CNTN4: variants seen among roughly 807,000 people sequenced by gnomAD.
CNTN4 encodes contactin 4.
Under a neutral mutation model 122.5 loss-of-function variants are expected in CNTN4, and 77 were observed. The ratio of observed to expected loss-of-function variants is 0.63; its 90% CI spans 0.52 to 0.76. The LOEUF is 0.76. Among genes scored for constraint, CNTN4 ranks in the 30% least tolerant of loss-of-function variants. The pLI, the probability that CNTN4 is intolerant of heterozygous loss-of-function variation, is 0.00. For synonymous variants in CNTN4, 512 were observed against 447.0 expected (o/e 1.15, Z -1.83); for missense variants, 1,256 against 1,259.1 (o/e 1.00, Z 0.04).
chr3:2,947,433 A>G lies in CNTN4; in HGVS notation c.1358+21654A>G, dbSNP rs79457269. Among the ~76,000 whole-genome samples the G allele has an allele frequency of 2.9e-3, 440 of 152,312 alleles. 21 individuals are homozygous for G. In the East Asian group the frequency reaches 0.065, roughly 22 times the overall value. On this transcript the variant is annotated intron_variant, in intron 13 of 24. Coordinates refer to ENST00000418658, the MANE Select transcript of CNTN4 (RefSeq NM_175607.3). The stretch of plus-strand genomic sequence containing the variant: ...CTAGCTCTATCCCTTTATGTTACCA[A>G]TGATCATTCAGAAGGAGAAGAAGGT...
intron 13 of CNTN4, among the ~76,000 whole-genome samples, chr3:2,980,106 A>G (rs58656203): frequency 0.017 from 2,549 of 152,326 alleles, 76 homozygotes; most frequent in African/African-American, 0.057. Flanking sequence ...TCAGAGCCTC[A>G]TGTGAAGAAA....
chr3:2,506,909 TA>T (rs529495443), intron 3 of CNTN4, among the ~76,000 whole-genome samples: 7 of 152,230 alleles, frequency 4.6e-5, no homozygotes, highest in Non-Finnish European at 7.4e-5. Flanking sequence ...TTGACGTTTT[TA>T]TTTAGCGATC....
At chr3:2,830,957 C>T (rs950676580) in intron 7 of CNTN4, among the ~76,000 whole-genome samples, 3 of 152,064 alleles carry the variant, frequency 2.0e-5, no homozygotes, top group Non-Finnish European at 4.4e-5. Flanking sequence ...GCTCAGAAAT[C>T]GAAGGCTCAG....
intron 6 of CNTN4, among the ~76,000 whole-genome samples, chr3:2,797,310 A>G (rs2092216341): frequency 6.6e-6 from 1 of 152,154 alleles, no homozygotes; most frequent in South Asian, 2.1e-4. Flanking sequence ...GTTAATTTAG[A>G]AAGCTACACT....
chr3:2,154,477 G>A (rs771453277), intron 2 of CNTN4, among the ~76,000 whole-genome samples: 4 of 151,908 alleles, frequency 2.6e-5, no homozygotes, highest in Non-Finnish European at 4.4e-5. Flanking sequence ...GGCGTATTTC[G>A]CTCAAGTGAC....
At chr3:3,005,030 A>G (rs1026534054) in intron 14 of CNTN4, among the ~76,000 whole-genome samples, 5 of 152,228 alleles carry the variant, frequency 3.3e-5, no homozygotes, top group African/African-American at 1.2e-4. Flanking sequence ...TTGTCTTGGA[A>G]ATAAGCACAC....
intron 13 of CNTN4, among the ~76,000 whole-genome samples, chr3:2,978,670 A>G (rs1481881821): frequency 6.6e-6 from 1 of 152,210 alleles, no homozygotes; most frequent in Non-Finnish European, 1.5e-5. Flanking sequence ...GCTCGCTGAC[A>G]CGTGCCCAAT....
intron 2 of CNTN4, among the ~76,000 whole-genome samples, chr3:2,106,557 A>G (rs2032459943): frequency 6.6e-6 from 1 of 152,222 alleles, no homozygotes; most frequent in Admixed American, 6.5e-5. Context: ...TTTTAGCTAC[A>G]GCTGGAGTGG....
chr3:2,949,515 G>A (rs1362140896), intron 13 of CNTN4, among the ~76,000 whole-genome samples: 1 of 152,104 alleles, frequency 6.6e-6, no homozygotes, highest in African/African-American at 2.4e-5. Flanking sequence ...TCTACCCAGT[G>A]GACCGGGTTA....
chr3:3,032,619 C>T (rs1363395606), intron 16 of CNTN4, among the ~76,000 whole-genome samples: 1 of 152,144 alleles, frequency 6.6e-6, no homozygotes. Context: ...ATATTTGAAA[C>T]GTATAGCAGC....
chr3:2,330,055 G>C (rs1440314512), intron 2 of CNTN4, among the ~76,000 whole-genome samples: 1 of 152,046 alleles, frequency 6.6e-6, no homozygotes, highest in South Asian at 2.1e-4. Flanking sequence ...GTCCTAAATC[G>C]GGCTCCCCAG....
intron 3 of CNTN4, among the ~76,000 whole-genome samples, chr3:2,480,182 T>C (rs2075950897): frequency 6.6e-6 from 1 of 152,080 alleles, no homozygotes; most frequent in African/African-American, 2.4e-5. Flanking sequence ...GGTGAGAATC[T>C]CAAAGTTTTC....
chr3:3,034,831 A>G lies in CNTN4; in HGVS notation c.1942+41A>G, dbSNP rs17657771. The G allele has an allele frequency of 0.075, 120,528 of 1,603,620 alleles. 5,252 individuals are homozygous for G. The highest frequency in any genetic ancestry group is 0.11 in the Admixed American group (6,736 of 60,008). ...CTTGGCTCAGAGACATTGGGAACTC[A>G]GCATACTGGACACAGCACTGTGGCA... On this transcript the variant is annotated intron_variant, in intron 17 of 24. Coordinates refer to ENST00000418658, the MANE Select transcript of CNTN4 (RefSeq NM_175607.3).
At position 2,554,731 on chromosome 3, in the gene CNTN4, A is replaced by G. The variant is rs149988684; in HGVS notation, c.-88-16685A>G. On this transcript the variant is annotated intron_variant, in intron 3 of 24. Coordinates refer to ENST00000418658, the MANE Select transcript of CNTN4 (RefSeq NM_175607.3). ...ATTGATGTGTTCCAATATTACTTACAAAAATAGATGTTAGACTTTCGGCCT... is the reference window on the plus strand; with the variant it reads ...ATTGATGTGTTCCAATATTACTTACGAAAATAGATGTTAGACTTTCGGCCT... Among the ~76,000 whole-genome samples the G allele has an allele frequency of 1.0e-3, 153 of 152,340 alleles. 1 individual carries two copies. The highest frequency in any genetic ancestry group is 3.6e-3 in the African/African-American group (148 of 41,584).
intron 3 of CNTN4, among the ~76,000 whole-genome samples, chr3:2,352,912 T>C (rs1340350695): frequency 6.6e-6 from 1 of 152,138 alleles, no homozygotes; most frequent in Non-Finnish European, 1.5e-5. Context: ...TGTGTCTAGC[T>C]GAAGGTTTGT....
rs1042186061 is a variant in CNTN4, at chr3:2,662,347, C to G, written c.56-73868C>G. ...CAATGGAGGAGAGTGGCAGCAACAA[C>G]TATGGTTCATACAGTCATTCAGGGA... On this transcript the variant is annotated intron_variant, in intron 4 of 24. Transcript: ENST00000418658. Among the ~76,000 whole-genome samples, 7 of 152,312 alleles carry G rather than the reference C, an allele frequency of 4.6e-5. 1 individual carries two copies. The highest frequency in any genetic ancestry group is 3.9e-4 in the East Asian group (2 of 5,188).
At position 2,548,273 on chromosome 3, in the gene CNTN4, G is replaced by T. The variant is rs1302256410; in HGVS notation, c.-88-23143G>T. ...CCATGCCTATCTCCTCAATGGTATT[G>T]CCTAGGTTTTCTTCTAGGGTTTTTA... On this transcript the variant is annotated intron_variant, in intron 3 of 24. Transcript: ENST00000418658. Among the ~76,000 whole-genome samples, 8 of 152,154 alleles carry T rather than the reference G, an allele frequency of 5.3e-5. No homozygotes were observed. The South Asian group carries it at 1.7e-3, about 32-fold the overall frequency.
intron 13 of CNTN4, among the ~76,000 whole-genome samples, chr3:2,982,437 C>T (rs374301006): frequency 4.6e-4 from 70 of 152,128 alleles, no homozygotes; most frequent in African/African-American, 1.7e-3. Context: ...TGACTTCCAC[C>T]GTGGACAGAA....
intron 13 of CNTN4, among the ~76,000 whole-genome samples, chr3:2,961,089 G>T: frequency 7.0e-6 from 1 of 143,784 alleles, no homozygotes; most frequent in Non-Finnish European, 1.5e-5. Context: ...AATTAGCCGG[G>T]CGTGGTGATG....
Sources: gnomAD v4.1 joint callset for allele counts (sites outside exome capture counted in the v4.1 genomes callset) on GRCh38, gnomAD v4.1.1 for gene constraint, MANE v1.5 for transcripts, NCBI Gene and HGNC (gene_info 2026-07-23, HGNC 2026-07-21) for gene names.